The following CNTNAP5 variants were observed in gnomAD, a reference collection of about 807,000 sequenced individuals.
CNTNAP5 encodes contactin-associated protein-like 5.
CNTNAP5 carries 72 observed loss-of-function variants against 150.2 expected under a neutral mutation model. The ratio of observed to expected loss-of-function variants is 0.48; its 90% CI spans 0.40 to 0.58. The LOEUF (loss-of-function observed/expected upper bound fraction) is 0.58, where lower values mean the gene tolerates loss of function less well. Among genes scored for constraint, CNTNAP5 ranks in the 20% least tolerant of loss-of-function variants. The pLI, the probability that CNTNAP5 is intolerant of heterozygous loss-of-function variation, is 0.00. For synonymous variants in CNTNAP5, 672 were observed against 619.8 expected (o/e 1.08, Z -1.25); for missense variants, 1,636 against 1,626.2 (o/e 1.01, Z -0.10).
chr2:124,813,621 C>G (rs938622038), intron 19 of CNTNAP5, among the ~76,000 whole-genome samples: 2 of 151,644 alleles, frequency 1.3e-5, no homozygotes, highest in African/African-American at 4.8e-5. Flanking sequence ...AACTCAAGCT[C>G]TACCTCAACA....
In CNTNAP5 at chr2:124,654,776, C is replaced by T. The variant is rs10179535; in HGVS notation, c.2077+6818C>T. Among the ~76,000 whole-genome samples the T allele has an allele frequency of 1.6e-3, 249 of 152,038 alleles. 1 individual carries two copies. Among genetic ancestry groups the T allele is most frequent in the African/African-American group, 5.9e-3 (243 of 41,446 alleles). ...CCTTCCTTCTTTCTTAACCACCCCC[C>T]GCCTCCACAGACACACGCCTAAACA... is the stretch of plus-strand genomic sequence containing the variant. On this transcript the variant is annotated intron_variant, in intron 13 of 23. Coordinates refer to ENST00000682447, the MANE Select transcript of CNTNAP5 (RefSeq NM_001367498.1).
At chr2:124,608,577 T>C (rs919777991) in intron 11 of CNTNAP5, among the ~76,000 whole-genome samples, 46 of 152,104 alleles carry the variant, frequency 3.0e-4, no homozygotes, top group African/African-American at 1.0e-3. Context: ...AAATGCTTAT[T>C]AAGTCAAAAT....
At chr2:124,422,586 A>C (rs1406116698) in intron 4 of CNTNAP5, among the ~76,000 whole-genome samples, 1 of 152,224 alleles carries the variant, frequency 6.6e-6, no homozygotes, top group Non-Finnish European at 1.5e-5. Context: ...CAAATGTTGG[A>C]ATCTGAAATT....
intron 5 of CNTNAP5, among the ~76,000 whole-genome samples, chr2:124,443,713 A>G (rs1049507275): frequency 5.3e-5 from 8 of 151,966 alleles, no homozygotes; most frequent in African/African-American, 1.9e-4. Flanking sequence ...TATTTTAATC[A>G]TTGTTATTAT....
At position 124,707,116 on chromosome 2, in the gene CNTNAP5, GAAGAAGA is replaced by G. The variant is rs1236367295; in HGVS notation, c.2078-40104_2078-40098del. ...AGAAGAAGAGGAAGAAGAAGAGGAA[GAAGAAGA>G]AAGAAGAAGAAGAAGAGGAAGAAGA... On this transcript the variant is annotated intron_variant, in intron 13 of 23. Transcript: ENST00000682447. Among the ~76,000 whole-genome samples, 188 of 103,298 alleles carry G rather than the reference GAAGAAGA, an allele frequency of 1.8e-3. 32 individuals are homozygous for G. In the East Asian group the frequency reaches 0.036, roughly 20 times the overall value. The allele number at this position is 103,298 out of a possible 152,430, so 67.8% of individuals were successfully genotyped here. A position where few individuals can be genotyped will look rare whatever the true frequency, so the allele number is the denominator to read the frequency against.
chr2:124,187,549 A>T (rs1248938423), intron 1 of CNTNAP5, among the ~76,000 whole-genome samples: 2 of 152,156 alleles, frequency 1.3e-5, no homozygotes, highest in African/African-American at 2.4e-5. Context: ...TGAACGAGTA[A>T]AATAATTTTG....
chr2:124,108,008 A>G (rs919036069), intron 1 of CNTNAP5, among the ~76,000 whole-genome samples: 2 of 152,206 alleles, frequency 1.3e-5, no homozygotes, highest in African/African-American at 2.4e-5. Flanking sequence ...TGAATACACA[A>G]TTTAGTTGAG....
chr2:124,665,896 A>AAT (rs1180858683), intron 13 of CNTNAP5, among the ~76,000 whole-genome samples: 1 of 151,896 alleles, frequency 6.6e-6, no homozygotes, highest in Non-Finnish European at 1.5e-5. Context: ...AAAAAAAAAA[A>AAT]AAATTATACA....
At chr2:124,063,569 C>A (rs17010810) in intron 1 of CNTNAP5, among the ~76,000 whole-genome samples, 15,536 of 152,156 alleles carry the variant, frequency 0.1, 909 homozygotes, top group East Asian at 0.3. Context: ...TATGGAAGTA[C>A]TTAAACTCTG....
chr2:124,641,501 T>C (rs1023171898), intron 12 of CNTNAP5, among the ~76,000 whole-genome samples: 1 of 152,110 alleles, frequency 6.6e-6, no homozygotes, highest in Non-Finnish European at 1.5e-5. Flanking sequence ...TAACTATCAA[T>C]GCAAAATGAC....
chr2:124,197,900 GA>G (rs1383188584), intron 1 of CNTNAP5, among the ~76,000 whole-genome samples: 1 of 151,778 alleles, frequency 6.6e-6, no homozygotes, highest in Non-Finnish European at 1.5e-5. Context: ...AGAATGGCGT[GA>G]ACCCGGGAAG....
chr2:124,526,877 G>A (rs1468977801), intron 9 of CNTNAP5, among the ~76,000 whole-genome samples: 1 of 152,118 alleles, frequency 6.6e-6, no homozygotes, highest in Non-Finnish European at 1.5e-5. Context: ...TTCTTTGAAA[G>A]TGTAATTCAG....
chr2:124,735,465 G>C (rs1680362801), intron 13 of CNTNAP5, among the ~76,000 whole-genome samples: 1 of 150,692 alleles, frequency 6.6e-6, no homozygotes. Context: ...TTGTTTTTTA[G>C]ATAAATCAAT....
intron 21 of CNTNAP5, among the ~76,000 whole-genome samples, chr2:124,871,528 GTGGATATCAGAAAT>G (rs1677748211): frequency 1.3e-5 from 2 of 152,086 alleles, no homozygotes; most frequent in East Asian, 3.9e-4. Flanking sequence ...GGTTTACACT[GTGGATATCAGAAAT>G]GCTAAAAGCC....
At chr2:124,561,370 T>C (rs1028271471) in intron 10 of CNTNAP5, among the ~76,000 whole-genome samples, 1 of 152,076 alleles carries the variant, frequency 6.6e-6, no homozygotes, top group Admixed American at 6.5e-5. Flanking sequence ...ACATCAAGGC[T>C]CTAAGTTTTT....
intron 17 of CNTNAP5, among the ~76,000 whole-genome samples, chr2:124,779,530 TAC>T (rs138904740): frequency 1.4e-4 from 22 of 152,028 alleles, no homozygotes; most frequent in African/African-American, 5.3e-4. Flanking sequence ...CTCACACACA[TAC>T]ACACACACAC....
chr2:124,803,350 G>T (rs549668692), intron 19 of CNTNAP5, among the ~76,000 whole-genome samples: 28 of 152,182 alleles, frequency 1.8e-4, no homozygotes, highest in African/African-American at 6.0e-4. Flanking sequence ...GATTATTTTT[G>T]ATTGTTCCTC....
intron 1 of CNTNAP5, among the ~76,000 whole-genome samples, chr2:124,135,832 T>C (rs1160299634): frequency 1.3e-5 from 2 of 152,248 alleles, no homozygotes; most frequent in African/African-American, 4.8e-5. Flanking sequence ...TGTCTTTTAA[T>C]TCATGGTGCT....
intron 2 of CNTNAP5, among the ~76,000 whole-genome samples, chr2:124,226,765 G>A (rs1273434100): frequency 6.6e-6 from 1 of 151,954 alleles, no homozygotes; most frequent in African/African-American, 2.4e-5. Flanking sequence ...AAGGTCAAGG[G>A]GGGCAGATTT....
Sources: gnomAD v4.1 joint callset for allele counts (sites outside exome capture counted in the v4.1 genomes callset) on GRCh38, gnomAD v4.1.1 for gene constraint, MANE v1.5 for transcripts, NCBI Gene and HGNC (gene_info 2026-07-23, HGNC 2026-07-21) for gene names.